RAB8A: variants seen among roughly 807,000 people sequenced by gnomAD.
The protein encoded by RAB8A is RAB8A, member RAS oncogene family.
Under a neutral mutation model 29.2 loss-of-function variants are expected in RAB8A, and 5 were observed. That is an observed-to-expected ratio of 0.17 (90% CI 0.09 to 0.36). The LOEUF is 0.36. RAB8A is among the 10% of genes least tolerant of loss of function. RAB8A has a pLI of 1.00. For synonymous variants in RAB8A, 108 were observed against 99.9 expected (o/e 1.08, Z -0.49); for missense variants, 171 against 272.2 (o/e 0.63, Z 2.62).
At chr19:16,121,965 T>G (rs982931990) in intron 3 of RAB8A, 155 bp downstream of exon 3, 52 of 679,510 alleles carry the variant, frequency 7.7e-5, no homozygotes, top group Non-Finnish European at 1.3e-4. Context: ...GAACAGGCTT[T>G]GTGCCCCGGC....
At chr19:16,129,628 C>T (rs1282526581) in intron 7 of RAB8A, 24 bp downstream of exon 7, 1 of 1,611,534 alleles carries the variant, frequency 6.2e-7, no homozygotes, top group African/African-American at 1.3e-5. Flanking sequence ...CTTCCGAGAT[C>T]CCCGGGTGGA....
intron 1 of RAB8A, among the ~76,000 whole-genome samples, chr19:16,114,299 G>C (rs1029147177): frequency 6.7e-6 from 1 of 150,140 alleles, no homozygotes; most frequent in African/African-American, 2.4e-5. Flanking sequence ...AAGAAAGAAA[G>C]AAATGATGTT....
intron 3 of RAB8A, among the ~76,000 whole-genome samples, chr19:16,123,239 A>G (rs1243239366): frequency 6.6e-6 from 1 of 152,164 alleles, no homozygotes; most frequent in African/African-American, 2.4e-5. Flanking sequence ...GTGGCTTTCC[A>G]TCCTCCTAGA....
Position 16,133,056 on chromosome 19 carries a change from A to G in RAB8A, c.*752A>G, listed in dbSNP as rs2090935640. ...TGTGCTGCAAGTGACCCCGAAAACAACCACAGCCGTCACATGGTCCTCCTG... is the reference window on the plus strand; with the variant it reads ...TGTGCTGCAAGTGACCCCGAAAACAGCCACAGCCGTCACATGGTCCTCCTG... On this transcript the variant is annotated 3_prime_UTR_variant, in exon 8 of 8. Transcript: ENST00000300935. 6.6e-6 allele frequency: 1 copy of G among 152,394 alleles called. No individual in the cohort carries two copies. The highest frequency in any genetic ancestry group is 2.1e-4 in the South Asian group (1 of 4,818). 9.4% of individuals were successfully genotyped at this position (152,394 alleles called of 1,614,324 possible). A position where few individuals can be genotyped will look rare whatever the true frequency, so the allele number is the denominator to read the frequency against.
chr19:16,121,672 G>A (rs1465437677), intron 2 of RAB8A, 78 bp from the exon 3 acceptor site: 33 of 1,344,436 alleles, frequency 2.5e-5, no homozygotes, highest in East Asian at 6.9e-5. Flanking sequence ...CAGGCATCCC[G>A]GGTAGATGCT....
intron 2 of RAB8A, among the ~76,000 whole-genome samples, chr19:16,120,210 A>G (rs1468082867): frequency 6.6e-6 from 1 of 152,006 alleles, no homozygotes; most frequent in Non-Finnish European, 1.5e-5. Context: ...AGACGTATAG[A>G]GCCCTCCGGG....
In RAB8A at chr19:16,114,272, A is replaced by C. The variant is rs555628060; in HGVS notation, c.124+2247A>C. 1.7e-3 allele frequency among the ~76,000 whole-genome samples: 258 copies of C among 152,166 alleles called. 1 individual carries two copies. Among genetic ancestry groups the C allele is most frequent in the African/African-American group, 6.0e-3 (247 of 41,508 alleles). On this transcript the variant is annotated intron_variant, in intron 1 of 7. Transcript: ENST00000300935. ...AACAGAGCGAGACCCTGTCTTAAAA[A>C]ATAATAATAAAAATAAAAGAAAGAA...
rs1280586684 is a variant in RAB8A, at chr19:16,134,126, G to A, written c.*1822G>A. ...CACAGCAAAATCAGCAAAGGGAAAA[G>A]GCATGCAGAGTGAAGTCCAGAGGCA... is the stretch of plus-strand genomic sequence containing the variant. On this transcript the variant is annotated 3_prime_UTR_variant, in exon 8 of 8. Transcript: ENST00000300935. The A allele has an allele frequency of 6.6e-6, 1 of 152,410 alleles. No individual in the cohort carries two copies. Among genetic ancestry groups the A allele is most frequent in the African/African-American group, 2.4e-5 (1 of 41,448 alleles). The allele number at this position is 152,410 out of a possible 1,614,324, so 9.4% of individuals were successfully genotyped here.
At chr19:16,114,551 AT>A (rs758614217) in intron 1 of RAB8A, among the ~76,000 whole-genome samples, 2,868 of 117,726 alleles carry the variant, frequency 0.024, 86 homozygotes, top group African/African-American at 0.072. Flanking sequence ...TAATTTTTGT[AT>A]TTTTTTTTTT....
At position 16,132,366 on chromosome 19, in the gene RAB8A, C is replaced by G; in HGVS notation, c.*62C>G. 1.3e-6 allele frequency: 2 copies of G among 1,525,276 alleles called. No individual in the cohort carries two copies. The highest frequency in any genetic ancestry group is 1.8e-6 in the Non-Finnish European group (2 of 1,112,172). The allele number at this position is 1,525,276 out of a possible 1,614,324, so 94.5% of individuals were successfully genotyped here. On this transcript the variant is annotated 3_prime_UTR_variant, in exon 8 of 8. Coordinates refer to ENST00000300935, the MANE Select transcript of RAB8A (RefSeq NM_005370.5). The surrounding 1 kb of genome is among the most constrained non-coding windows in gnomAD (Gnocchi z 5.6). Reference sequence around the variant, plus strand: ...CTGACTGTGCCTGTTCTGAGTGAGCCCCTCACTCAGCCGGGGCCCTCCCAC... The same window carrying G: ...CTGACTGTGCCTGTTCTGAGTGAGCGCCTCACTCAGCCGGGGCCCTCCCAC...
chr19:16,129,820 G>A (rs745916458), intron 7 of RAB8A, among the ~76,000 whole-genome samples: 23 of 152,214 alleles, frequency 1.5e-4, no homozygotes, highest in African/African-American at 3.1e-4. Flanking sequence ...AGACAAGGCC[G>A]TGCCCGGTGA....
intron 1 of RAB8A, among the ~76,000 whole-genome samples, chr19:16,115,508 G>A (rs749054683): frequency 3.9e-5 from 6 of 152,288 alleles, no homozygotes; most frequent in South Asian, 4.1e-4. Flanking sequence ...CTGGCTCGGC[G>A]CCACTGCCTC....
chr19:16,114,107 A>G (rs2090835414), intron 1 of RAB8A, among the ~76,000 whole-genome samples: 1 of 151,982 alleles, frequency 6.6e-6, no homozygotes, highest in African/African-American at 2.4e-5. Flanking sequence ...TCTCTACAAA[A>G]AATAAAATAA....
At position 16,127,324 on chromosome 19, in the gene RAB8A, ACCTAGCAGTCCTGACC is replaced by A; in HGVS notation, c.325-110_325-95del. 7.0e-6 allele frequency: 4 copies of A among 568,028 alleles called. No individual in the cohort carries two copies. The highest frequency in any genetic ancestry group is 1.1e-5 in the Non-Finnish European group (4 of 359,618). 35.2% of individuals were successfully genotyped at this position (568,028 alleles called of 1,614,324 possible). A position where few individuals can be genotyped will look rare whatever the true frequency, so the allele number is the denominator to read the frequency against. On this transcript the variant is annotated intron_variant, in intron 4 of 7. Transcript: ENST00000300935. The surrounding 1 kb of genome is among the most constrained non-coding windows in gnomAD (Gnocchi z 4.8). ...CAGCTTGTCCCTTAGACCAGGCTGT[ACCTAGCAGTCCTGACC>A]CCACCGCTCTGATTTCTGGGGACAG...
In RAB8A at chr19:16,125,450, T is replaced by C. The variant is rs948441313; in HGVS notation, c.247-20T>C. ...GAGCCTGCAGCCGATCAGGCACCTG[T>C]GTCTTCTCTCCCCGCGCAGGGCATC... On this transcript the variant is annotated intron_variant, in intron 3 of 7. Coordinates refer to ENST00000300935, the MANE Select transcript of RAB8A (RefSeq NM_005370.5). The surrounding 1 kb of genome is among the most constrained non-coding windows in gnomAD (Gnocchi z 5.0). 6.2e-7 allele frequency: 1 copy of C among 1,610,268 alleles called. No homozygotes were observed. The highest frequency in any genetic ancestry group is 8.5e-7 in the Non-Finnish European group (1 of 1,176,878).
At chr19:16,119,838 A>G (rs976004241) in intron 2 of RAB8A, among the ~76,000 whole-genome samples, 9 of 151,234 alleles carry the variant, frequency 6.0e-5, no homozygotes, top group African/African-American at 2.2e-4. Flanking sequence ...TTTGAGACAG[A>G]GTTTTGCTCT....
intron 6 of RAB8A, 86 bp from the exon 7 acceptor site, chr19:16,129,468 G>A: frequency 7.4e-7 from 1 of 1,356,070 alleles, no homozygotes; most frequent in Non-Finnish European, 1.1e-6. Flanking sequence ...CGCCTGGGAA[G>A]CTGTCTCACC....
At chr19:16,128,937 C>T (rs895064060) in intron 6 of RAB8A, among the ~76,000 whole-genome samples, 5 of 152,272 alleles carry the variant, frequency 3.3e-5, no homozygotes, top group African/African-American at 7.2e-5. Context: ...GTTGGGATCA[C>T]GCCTCCCGCC....
Position 16,129,534 on chromosome 19 carries a change from A to T in RAB8A, c.481-20A>T. The T allele has an allele frequency of 6.2e-7, 1 of 1,613,806 alleles. No homozygotes were observed. Among genetic ancestry groups the T allele is most frequent in the Non-Finnish European group, 8.5e-7 (1 of 1,179,706 alleles). On this transcript the variant is annotated intron_variant, in intron 6 of 7. Coordinates refer to ENST00000300935, the MANE Select transcript of RAB8A (RefSeq NM_005370.5). The stretch of plus-strand genomic sequence containing the variant: ...CAGGGTCCTGCCATCCCAAGGACTC[A>T]CAATGTGCTTATTCCACAGGCATTT...
Sources: gnomAD v4.1 joint callset for allele counts (sites outside exome capture counted in the v4.1 genomes callset) on GRCh38, gnomAD v4.1.1 for gene constraint, Gnocchi (gnomAD v3.1) non-coding constraint, MANE v1.5 for transcripts, NCBI Gene and HGNC (gene_info 2026-07-23, HGNC 2026-07-21) for gene names.